Variants in ADAM12 observed in about 807,000 individuals in gnomAD.
ADAM12 encodes ADAM metallopeptidase domain 12, also known as disintegrin and metalloproteinase domain-containing protein 12.
Under a neutral mutation model 106.4 loss-of-function variants are expected in ADAM12, and 70 were observed. That is an observed-to-expected ratio of 0.66 (90% CI 0.54 to 0.80). The LOEUF (loss-of-function observed/expected upper bound fraction) is 0.80. ADAM12 is among the 30% of genes least tolerant of loss of function. ADAM12 has a pLI of 0.00. For synonymous variants in ADAM12, 420 were observed against 433.5 expected (o/e 0.97, Z 0.39); for missense variants, 1,010 against 1,171.9 (o/e 0.86, Z 2.02).
chr10:126,105,137 C>T (rs1016483340), intron 8 of ADAM12, among the ~76,000 whole-genome samples: 1 of 152,094 alleles, frequency 6.6e-6, no homozygotes, highest in Admixed American at 6.5e-5. Context: ...ACAGCCAGGC[C>T]GGCAAACTCC....
chr10:126,246,462 G>A (rs1461284633), intron 3 of ADAM12, among the ~76,000 whole-genome samples: 1 of 152,186 alleles, frequency 6.6e-6, no homozygotes, highest in African/African-American at 2.4e-5. Context: ...TATCCTTGAT[G>A]AACATCAATG....
chr10:126,058,919 TAGAA>T (rs1954691838), intron 14 of ADAM12, among the ~76,000 whole-genome samples: 1 of 152,218 alleles, frequency 6.6e-6, no homozygotes, highest in Non-Finnish European at 1.5e-5. Flanking sequence ...TCACATCTCT[TAGAA>T]AGAATGACAA....
chr10:126,206,867 G>GGGGGGGGGGGGGGGGGGT (rs1554986912), intron 3 of ADAM12, among the ~76,000 whole-genome samples: 1 of 134,718 alleles, frequency 7.4e-6, no homozygotes, highest in African/African-American at 2.6e-5. Flanking sequence ...GGGCGGGGGG[G>GGGGGGGGGGGGGGGGGGT]AGCCAGTGGG....
chr10:126,386,953 G>C (rs528130160), intron 1 of ADAM12, among the ~76,000 whole-genome samples: 1 of 152,264 alleles, frequency 6.6e-6, no homozygotes, highest in African/African-American at 2.4e-5. Flanking sequence ...ATTGGTCTTC[G>C]CAGTGTGGCT....
At chr10:126,324,276 A>G (rs1639293091) in intron 2 of ADAM12, among the ~76,000 whole-genome samples, 1 of 152,240 alleles carries the variant, frequency 6.6e-6, no homozygotes, top group African/African-American at 2.4e-5. Flanking sequence ...ATGAGTGCTT[A>G]AGTGGTGCTT....
intron 14 of ADAM12, among the ~76,000 whole-genome samples, chr10:126,051,584 T>TCCAGCCAGCCAG (rs1225316037): frequency 0.014 from 1,760 of 121,856 alleles, 17 homozygotes; most frequent in Admixed American, 0.036. Flanking sequence ...CATCCATCCA[T>TCCAGCCAGCCAG]CCATCCAGCC....
chr10:126,275,044 C>T (rs1013372668), intron 3 of ADAM12, among the ~76,000 whole-genome samples: 3 of 152,164 alleles, frequency 2.0e-5, no homozygotes, highest in Non-Finnish European at 4.4e-5. Context: ...CAGAGATACC[C>T]CAAACATAAA....
chr10:126,279,915 C>T (rs892409554), intron 2 of ADAM12, among the ~76,000 whole-genome samples: 2 of 152,234 alleles, frequency 1.3e-5, no homozygotes, highest in Admixed American at 1.3e-4. Context: ...TTCAGTTACG[C>T]TGACTTCGTC....
chr10:126,095,530 T>C (rs1184962299), intron 10 of ADAM12, among the ~76,000 whole-genome samples: 1 of 71,996 alleles, frequency 1.4e-5, no homozygotes, highest in Non-Finnish European at 2.6e-5. Context: ...CGAGACTCTG[T>C]CTCAAAAAAA....
intron 4 of ADAM12, among the ~76,000 whole-genome samples, chr10:126,143,395 T>C (rs888556852): frequency 1.4e-5 from 1 of 69,748 alleles, no homozygotes; most frequent in Admixed American, 1.6e-4. Flanking sequence ...TGTATATGTT[T>C]GTATATGGTG....
chr10:126,020,762 G>A (rs530920254), intron 21 of ADAM12, among the ~76,000 whole-genome samples: 13 of 151,986 alleles, frequency 8.6e-5, no homozygotes, highest in African/African-American at 2.4e-4. Context: ...AGGCCGAGGC[G>A]GGCGGATCAC....
intron 18 of ADAM12, among the ~76,000 whole-genome samples, 185 bp from the exon 19 acceptor site, chr10:126,039,614 C>CCAT (rs1281269457): frequency 1.2e-4 from 18 of 152,222 alleles, no homozygotes; most frequent in Non-Finnish European, 1.3e-4. Context: ...ATCTATGTTA[C>CCAT]CATCATTCAT....
intron 3 of ADAM12, among the ~76,000 whole-genome samples, chr10:126,262,757 G>A (rs531686496): frequency 6.6e-6 from 1 of 152,240 alleles, no homozygotes; most frequent in Non-Finnish European, 1.5e-5. Context: ...AGGAAGTCAA[G>A]GTTGCCATTA....
rs1297280706 is a variant in ADAM12 at position 126,288,142 on chromosome 10, G to A, written c.187-9154C>T. On this transcript the variant is annotated intron_variant, in intron 2 of 22. Transcript: ENST00000448723. ...GGGTCCTCTGACCTGCGGGCTGTCT[G>A]CTTGCCTCACCCTAGGAGGCCAACG... is the stretch of plus-strand genomic sequence containing the variant. Among the ~76,000 whole-genome samples, 3 of 152,110 alleles carry A rather than the reference G, an allele frequency of 2.0e-5. No homozygotes were observed. In the South Asian group the frequency reaches 6.2e-4, roughly 31 times the overall value.
At chr10:126,020,641 A>G (rs962810002) in intron 21 of ADAM12, among the ~76,000 whole-genome samples, 7 of 152,184 alleles carry the variant, frequency 4.6e-5, no homozygotes, top group African/African-American at 7.2e-5. Flanking sequence ...CACACAGATA[A>G]TAGTTATTAA....
chr10:126,331,253 C>T (rs1854501966), intron 1 of ADAM12, among the ~76,000 whole-genome samples: 1 of 152,152 alleles, frequency 6.6e-6, no homozygotes, highest in East Asian at 1.9e-4. Context: ...TGGACTTGCT[C>T]TCCTATGAGG....
At chr10:126,348,173 A>G (rs1855218326) in intron 1 of ADAM12, among the ~76,000 whole-genome samples, 1 of 152,236 alleles carries the variant, frequency 6.6e-6, no homozygotes, top group Admixed American at 6.5e-5. Flanking sequence ...TCTGAATGTC[A>G]GTAGCCTGGA....
At chr10:126,264,851 G>A (rs1327743615) in intron 3 of ADAM12, among the ~76,000 whole-genome samples, 1 of 152,128 alleles carries the variant, frequency 6.6e-6, no homozygotes, top group East Asian at 1.9e-4. Flanking sequence ...ACCAGTTCCT[G>A]CTTCCCTGTT....
chr10:126,168,117 T>G (rs1288841598), intron 3 of ADAM12, among the ~76,000 whole-genome samples: 1 of 152,194 alleles, frequency 6.6e-6, no homozygotes, highest in Non-Finnish European at 1.5e-5. Flanking sequence ...ACAAAAATAT[T>G]CAAGTGGAGA....
Sources: gnomAD v4.1 joint callset for allele counts (sites outside exome capture counted in the v4.1 genomes callset) on GRCh38, gnomAD v4.1.1 for gene constraint, MANE v1.5 for transcripts, NCBI Gene and HGNC (gene_info 2026-07-23, HGNC 2026-07-21) for gene names.